Variants in IMPA2 observed in about 807,000 individuals in gnomAD.
IMPA2 encodes inositol monophosphatase 2.
In IMPA2, 32 loss-of-function variants were observed where a neutral mutation model predicts 35.1. The observed-to-expected ratio is 0.91, with a 90% CI of 0.69 to 1.23. The LOEUF is 1.23. Among genes scored for constraint, IMPA2 ranks in the 50% most tolerant of loss-of-function variants. The pLI is 0.00. For missense variants in IMPA2, 334 were observed against 387.6 expected (o/e 0.86, Z 1.16); for synonymous variants, 135 against 160.6 (o/e 0.84, Z 1.20).
At chr18:12,008,901 C>T (rs1907354993) in intron 2 of IMPA2, among the ~76,000 whole-genome samples, 1 of 152,130 alleles carries the variant, frequency 6.6e-6, no homozygotes, top group African/African-American at 2.4e-5. Flanking sequence ...AAAGGAGGGG[C>T]CAGCCCAGGG....
chr18:11,989,436 A>G (rs653074), intron 1 of IMPA2, among the ~76,000 whole-genome samples: 38,223 of 151,914 alleles, frequency 0.25, 5,948 homozygotes, highest in African/African-American at 0.44. Flanking sequence ...TCGAAAACTC[A>G]ACAACATTTC....
intron 3 of IMPA2, among the ~76,000 whole-genome samples, chr18:12,011,671 C>G (rs1056527162): frequency 6.6e-6 from 1 of 152,244 alleles, no homozygotes; most frequent in African/African-American, 2.4e-5. Context: ...TGAAAACTGT[C>G]TGCAGCCGTG....
intron 2 of IMPA2, among the ~76,000 whole-genome samples, chr18:12,005,555 A>G (rs920655671): frequency 6.6e-6 from 1 of 152,340 alleles, no homozygotes; most frequent in Middle Eastern, 3.4e-3. Context: ...AAACAAATAG[A>G]TAAATAATAA....
intron 5 of IMPA2, among the ~76,000 whole-genome samples, chr18:12,023,370 G>A (rs752338307): frequency 2.0e-5 from 3 of 152,194 alleles, no homozygotes; most frequent in South Asian, 2.1e-4. Context: ...CACGTAGGCT[G>A]GGAAGTGCTC....
chr18:11,992,470 G>A (rs1481285094), intron 1 of IMPA2, among the ~76,000 whole-genome samples: 1 of 152,186 alleles, frequency 6.6e-6, no homozygotes, highest in Admixed American at 6.5e-5. Flanking sequence ...AACAAGATGG[G>A]GTGAGACAGG....
intron 1 of IMPA2, among the ~76,000 whole-genome samples, chr18:11,992,359 C>T (rs1488494904): frequency 6.6e-6 from 1 of 152,232 alleles, no homozygotes; most frequent in Non-Finnish European, 1.5e-5. Context: ...AAGGCTCCGG[C>T]GTGCTGCTCT....
intron 5 of IMPA2, among the ~76,000 whole-genome samples, chr18:12,024,718 C>CCCTCCCT (rs1215787044): frequency 1.3e-5 from 2 of 151,804 alleles, no homozygotes; most frequent in Non-Finnish European, 2.9e-5. Flanking sequence ...GCTTTTCTCC[C>CCCTCCCT]CCTCCCTCCT....
intron 1 of IMPA2, among the ~76,000 whole-genome samples, chr18:11,996,875 A>G (rs770101557): frequency 6.6e-6 from 1 of 151,322 alleles, no homozygotes; most frequent in Admixed American, 6.6e-5. Flanking sequence ...CACACCCAGA[A>G]ATCCATACAC....
chr18:11,986,681 A>G (rs1906675231), intron 1 of IMPA2, among the ~76,000 whole-genome samples: 1 of 152,196 alleles, frequency 6.6e-6, no homozygotes, highest in Non-Finnish European at 1.5e-5. Context: ...CACATGATGA[A>G]GAACAGCAGC....
Position 12,014,163 on chromosome 18 carries a change from T to C in IMPA2, c.382-102T>C, listed in dbSNP as rs1028086950. 8.7e-6 allele frequency: 7 copies of C among 804,348 alleles called. No homozygotes were observed. In the East Asian group the frequency reaches 1.3e-4, roughly 15 times the overall value. 49.8% of individuals were successfully genotyped at this position (804,348 alleles called of 1,614,324 possible). ...ATTTCTGTCACAGTGTAATGTGTTA[T>C]CCTAACGCCTAGCGCAGCCTTCATC... On this transcript the variant is annotated intron_variant, in intron 4 of 7. Transcript: ENST00000269159.
intron 2 of IMPA2, among the ~76,000 whole-genome samples, chr18:12,009,224 TATG>T (rs1282284334): frequency 6.6e-5 from 10 of 152,184 alleles, no homozygotes; most frequent in Non-Finnish European, 1.5e-5. Flanking sequence ...CTGCATGAGC[TATG>T]ATGATACCAC....
intron 5 of IMPA2, among the ~76,000 whole-genome samples, chr18:12,025,394 A>G (rs1227018289): frequency 6.6e-6 from 1 of 152,220 alleles, no homozygotes; most frequent in Non-Finnish European, 1.5e-5. Context: ...ACCAAGGGGC[A>G]CGATTGCTGG....
intron 1 of IMPA2, among the ~76,000 whole-genome samples, chr18:11,996,643 A>T (rs1906966365): frequency 6.6e-6 from 1 of 152,066 alleles, no homozygotes; most frequent in African/African-American, 2.4e-5. Flanking sequence ...GCTCCATGCT[A>T]CTGAAGTGAG....
chr18:12,020,668 G>T (rs774201752), intron 5 of IMPA2, among the ~76,000 whole-genome samples: 3 of 148,504 alleles, frequency 2.0e-5, no homozygotes, highest in African/African-American at 7.7e-5. Context: ...ATTTAAAAAA[G>T]TTTCCTCTTT....
intron 1 of IMPA2, among the ~76,000 whole-genome samples, chr18:11,997,049 C>T (rs1403780457): frequency 1.3e-5 from 2 of 152,060 alleles, no homozygotes; most frequent in Non-Finnish European, 2.9e-5. Context: ...CCCTGACTCC[C>T]CCCATACCAC....
intron 7 of IMPA2, 113 bp downstream of exon 7, chr18:12,029,106 C>CTTTT: frequency 4.7e-5 from 17 of 357,944 alleles, no homozygotes; most frequent in Non-Finnish European, 5.5e-5. Context: ...CCCAGAGTTT[C>CTTTT]TGTTTTTTTT....
At chr18:12,003,443 C>T (rs931781651) in intron 2 of IMPA2, among the ~76,000 whole-genome samples, 22 of 152,064 alleles carry the variant, frequency 1.4e-4, no homozygotes, top group African/African-American at 4.6e-4. Flanking sequence ...ATCAGGAGTT[C>T]GAGACCAGCT....
chr18:11,992,428 G>C (rs1211963606), intron 1 of IMPA2, among the ~76,000 whole-genome samples: 1 of 152,200 alleles, frequency 6.6e-6, no homozygotes, highest in Non-Finnish European at 1.5e-5. Flanking sequence ...GCAGTGACTG[G>C]CATAAAGGTC....
chr18:11,999,794 T>C (rs985297125), intron 2 of IMPA2, among the ~76,000 whole-genome samples: 1 of 152,260 alleles, frequency 6.6e-6, no homozygotes, highest in Admixed American at 6.5e-5. Context: ...GAGTATTTGA[T>C]GCTAGCTATT....
Sources: gnomAD v4.1 joint callset for allele counts (sites outside exome capture counted in the v4.1 genomes callset) on GRCh38, gnomAD v4.1.1 for gene constraint, MANE v1.5 for transcripts, NCBI Gene and HGNC (gene_info 2026-07-23, HGNC 2026-07-21) for gene names.